The following DDHD2 variants were observed in gnomAD, a reference collection of about 807,000 sequenced individuals.
DDHD2 encodes triacylglycerol hydrolase DDHD2.
In DDHD2, 62 loss-of-function variants were observed where a neutral mutation model predicts 91.2. The ratio of observed to expected loss-of-function variants is 0.68; its 90% CI spans 0.55 to 0.84. The LOEUF (loss-of-function observed/expected upper bound fraction) is 0.84. Ranked by LOEUF, DDHD2 falls within the 40% of genes least tolerant of loss-of-function variation. The probability of loss-of-function intolerance (pLI) is 0.00; values close to 1 mark genes in which losing one functional copy is unlikely to be tolerated. For missense variants in DDHD2, 740 were observed against 846.9 expected, an observed-to-expected ratio of 0.87 and a Z score of 1.57; for synonymous variants, 271 against 293.9, an observed-to-expected ratio of 0.92 and a Z score of 0.80.
intron 7 of DDHD2, among the ~76,000 whole-genome samples, chr8:38,243,089 G>T (rs1805369930): frequency 6.6e-6 from 1 of 152,070 alleles, no homozygotes; most frequent in Non-Finnish European, 1.5e-5. Context: ...TGTGATTTGG[G>T]TATATTCTGT....
chr8:38,268,545 A>C (rs995887701), intron 1 of DDHD2: 1 of 1,526,634 alleles, frequency 6.6e-7, no homozygotes, highest in Admixed American at 2.0e-5. Flanking sequence ...GTGACACAGC[A>C]GGACTCACTG....
downstream of DDHD2, chr8:38,266,293 G>C: frequency 6.2e-7 from 1 of 1,612,870 alleles, no homozygotes; most frequent in Non-Finnish European, 8.5e-7. Context: ...GGACGCAAAG[G>C]CCAGACCAGC....
At chr8:38,234,896 T>G (rs571876850) in intron 3 of DDHD2, among the ~76,000 whole-genome samples, 137 of 152,114 alleles carry the variant, frequency 9.0e-4, no homozygotes, top group African/African-American at 2.8e-3. Flanking sequence ...GCCTCCCAAG[T>G]AGCTGGGATT....
chr8:38,263,040 T>G (rs1460475101), downstream of DDHD2: 1 of 152,218 alleles, frequency 6.6e-6, no homozygotes, highest in Non-Finnish European at 1.5e-5. Context: ...GTTGAATCAC[T>G]TAGGGCGGAT....
chr8:38,236,643 G>A (rs1254849939), intron 3 of DDHD2, among the ~76,000 whole-genome samples: 4 of 152,068 alleles, frequency 2.6e-5, no homozygotes, highest in African/African-American at 4.8e-5. Flanking sequence ...AGCCTCCCGA[G>A]TAGCTGGGAT....
At chr8:38,236,520 AT>A (rs34833564) in intron 3 of DDHD2, among the ~76,000 whole-genome samples, 81 of 136,804 alleles carry the variant, frequency 5.9e-4, no homozygotes, top group Middle Eastern at 4.0e-3. Flanking sequence ...ACACTGGCTA[AT>A]TTTTTTTTTT....
intron 11 of DDHD2, chr8:38,251,519 T>C (rs917408756): frequency 1.2e-5 from 2 of 167,362 alleles, no homozygotes; most frequent in Non-Finnish European, 2.6e-5. Flanking sequence ...TTTTCTCTTA[T>C]GATTGTTGCC....
intron 5 of DDHD2, among the ~76,000 whole-genome samples, chr8:38,239,735 T>G (rs968679838): frequency 2.0e-5 from 3 of 147,234 alleles, no homozygotes; most frequent in South Asian, 2.2e-4. Context: ...AGAGTTTTTT[T>G]TTTTGGAGAC....
downstream of DDHD2, chr8:38,265,999 G>A: frequency 1.8e-6 from 1 of 545,362 alleles, no homozygotes; most frequent in Non-Finnish European, 2.9e-6. Context: ...AATTTTAAAT[G>A]TACTTAGTAC....
chr8:38,264,307 A>T, downstream of DDHD2: 1 of 787,744 alleles, frequency 1.3e-6, no homozygotes, highest in Non-Finnish European at 1.8e-6. Context: ...ACTCCTGGCT[A>T]ATTTTTGTAT....
intron 9 of DDHD2, 26 bp from the exon 10 acceptor site, chr8:38,247,687 T>C: frequency 7.0e-7 from 1 of 1,418,738 alleles, no homozygotes; most frequent in Non-Finnish European, 9.5e-7. Flanking sequence ...ATTTCAAGAA[T>C]ATGAGCTTTA....
In DDHD2 at chr8:38,253,606, A is replaced by G. The variant is rs1055418674; in HGVS notation, c.1942A>G (p.Ile648Val). 5.0e-6 allele frequency: 8 copies of G among 1,614,028 alleles called. No individual in the cohort carries two copies. Among genetic ancestry groups the G allele is most frequent in the East Asian group, 2.2e-5 (1 of 44,900 alleles). Residue 648 changes from isoleucine to valine, a missense_variant, in exon 16 of 18, where the codon ATC (isoleucine) becomes GTC (valine). Physicochemically the swap from Ile to Val is conservative, Grantham distance 29 (BLOSUM62 3). Transcript: ENST00000397166. The stretch of plus-strand genomic sequence containing the variant: ...GGCAGTTAAAGAAGAAGTCCTGCCT[A>G]TCAATGTGGGGATGCTGAATGGAGG... The part of the protein sequence containing the change: ...SVAVKEEVLP[I>V]NVGMLNGGQR...
intron 5 of DDHD2, 100 bp downstream of exon 5, chr8:38,238,309 A>C: frequency 1.3e-6 from 2 of 1,523,246 alleles, no homozygotes; most frequent in Non-Finnish European, 1.8e-6. Flanking sequence ...AAGGCTTAAA[A>C]ATCATCTTTA....
downstream of DDHD2, chr8:38,266,942 G>A (rs966383893): frequency 5.0e-6 from 4 of 798,422 alleles, no homozygotes; most frequent in African/African-American, 7.0e-5. Context: ...AATTAGGTAA[G>A]AAATGAAAAT....
rs145155378 is a variant in DDHD2 at position 38,238,205 on chromosome 8, T to C, written c.618T>C (p.His206=). ...TTGAGAACATCTCTGTTGACATTCATTGTGGTAATGTTAATCGTTTATTTT... is the reference window on the plus strand; with the variant it reads ...TTGAGAACATCTCTGTTGACATTCACTGTGGTAATGTTAATCGTTTATTTT... ...RGVENISVDI[H]CGEPLQIDHL... Residue 206 remains histidine, a synonymous_variant, in exon 5 of 18, where the codon CAT becomes CAC. Transcript: ENST00000397166. 23 of 1,613,696 alleles carry C rather than the reference T, an allele frequency of 1.4e-5. No individual in the cohort carries two copies. The highest frequency in any genetic ancestry group is 1.9e-5 in the Non-Finnish European group (23 of 1,179,750).
intron 3 of DDHD2, among the ~76,000 whole-genome samples, chr8:38,237,302 G>A (rs368679202): frequency 1.2e-3 from 188 of 152,192 alleles, no homozygotes; most frequent in African/African-American, 4.1e-3. Flanking sequence ...CTTGAACCTG[G>A]GGGGCGGAGG....
intron 1 of DDHD2, chr8:38,269,094 G>GCCGC (rs1431870484): frequency 2.0e-6 from 3 of 1,527,006 alleles, no homozygotes. Flanking sequence ...GGGAAGCGGG[G>GCCGC]CCGCCCGGGC....
At chr8:38,267,370 G>T, downstream of DDHD2, 1 of 1,613,766 alleles carries the variant, frequency 6.2e-7, no homozygotes, top group South Asian at 1.1e-5. Context: ...GGAAGCAGCG[G>T]TAGAAGAAAT....
chr8:38,257,662 ATTT>A (rs35509320), intron 16 of DDHD2, among the ~76,000 whole-genome samples: 13 of 109,350 alleles, frequency 1.2e-4, no homozygotes, highest in Non-Finnish European at 1.5e-4. Context: ...TTACCACAGT[ATTT>A]TTTTTTTTTT....
Sources: gnomAD v4.1 joint callset for allele counts (sites outside exome capture counted in the v4.1 genomes callset) on GRCh38, gnomAD v4.1.1 for gene constraint, MANE v1.5 for transcripts, NCBI Gene and HGNC (gene_info 2026-07-23, HGNC 2026-07-21) for gene names.